The following GLCE variants were observed in gnomAD, a reference collection of about 807,000 sequenced individuals.
GLCE encodes glucuronic acid epimerase.
In GLCE, 19 loss-of-function variants were observed where a neutral mutation model predicts 47.9. That is an observed-to-expected ratio of 0.40 (90% CI 0.28 to 0.58). The LOEUF (loss-of-function observed/expected upper bound fraction) is 0.58, where lower values mean the gene tolerates loss of function less well. Among genes scored for constraint, GLCE ranks in the 20% least tolerant of loss-of-function variants. GLCE has a pLI of 0.48. For missense variants in GLCE, 556 were observed against 743.3 expected (o/e 0.75, Z 2.93); for synonymous variants, 245 against 263.4 (o/e 0.93, Z 0.68).
At chr15:69,203,312 A>T (rs1038697636) in intron 1 of GLCE, among the ~76,000 whole-genome samples, 2 of 152,146 alleles carry the variant, frequency 1.3e-5, no homozygotes, top group African/African-American at 4.8e-5. Flanking sequence ...ACATTAAAAT[A>T]TAGTAGTGAC....
chr15:69,189,815 A>G (rs1387356332), intron 1 of GLCE, among the ~76,000 whole-genome samples: 2 of 151,520 alleles, frequency 1.3e-5, no homozygotes, highest in African/African-American at 4.9e-5. Flanking sequence ...TTCTCTTTCT[A>G]ATTTTTTTTT....
intron 1 of GLCE, among the ~76,000 whole-genome samples, chr15:69,198,900 T>G (rs1476878421): frequency 6.6e-6 from 1 of 152,004 alleles, no homozygotes; most frequent in East Asian, 1.9e-4. Flanking sequence ...AGCCCACACT[T>G]AAAGAGGGTT....
intron 2 of GLCE, among the ~76,000 whole-genome samples, chr15:69,231,206 A>G (rs1335343787): frequency 6.6e-6 from 1 of 152,140 alleles, no homozygotes; most frequent in Non-Finnish European, 1.5e-5. Flanking sequence ...AGACTTTTGA[A>G]GACAAAATAT....
At chr15:69,168,452 T>G (rs1350859664) in intron 1 of GLCE, among the ~76,000 whole-genome samples, 2 of 152,118 alleles carry the variant, frequency 1.3e-5, no homozygotes, top group Admixed American at 6.5e-5. Flanking sequence ...TAAAAGATCA[T>G]TTGATCTAAG....
At chr15:69,175,750 T>C (rs2051653283) in intron 1 of GLCE, among the ~76,000 whole-genome samples, 1 of 152,214 alleles carries the variant, frequency 6.6e-6, no homozygotes, top group African/African-American at 2.4e-5. Flanking sequence ...CAGAGATCTG[T>C]TTGCCTTCTT....
Position 69,269,761 on chromosome 15 carries a change from T to A in GLCE, c.*517T>A, listed in dbSNP as rs2053140463. Reference sequence around the variant, plus strand: ...TGTTTCCTTTCTAAAGATTAATTTCTTGGGAGCAAATGAGTATTTGTTGCA... The same window carrying A: ...TGTTTCCTTTCTAAAGATTAATTTCATGGGAGCAAATGAGTATTTGTTGCA... On this transcript the variant is annotated 3_prime_UTR_variant, in exon 5 of 5. Transcript: ENST00000261858. 6.5e-6 allele frequency: 1 copy of A among 152,944 alleles called. No homozygotes were observed. 9.5% of individuals were successfully genotyped at this position (152,944 alleles called of 1,614,324 possible).
intron 1 of GLCE, among the ~76,000 whole-genome samples, chr15:69,181,447 G>A (rs1357050285): frequency 8.5e-5 from 13 of 152,186 alleles, no homozygotes; most frequent in Non-Finnish European, 8.8e-5. Context: ...CTTAGAAGGA[G>A]AAATCACTGA....
At chr15:69,219,694 A>G (rs956911365) in intron 2 of GLCE, among the ~76,000 whole-genome samples, 3 of 152,032 alleles carry the variant, frequency 2.0e-5, no homozygotes, top group African/African-American at 7.2e-5. Flanking sequence ...CAGTTCTGTG[A>G]TTCTTTTTTG....
At position 69,271,919 on chromosome 15, in the gene GLCE, TGTG is replaced by T. The variant is rs1375206465; in HGVS notation, c.*2678_*2680del. 2.0e-5 allele frequency: 3 copies of T among 152,630 alleles called. No homozygotes were observed. Among genetic ancestry groups the T allele is most frequent in the African/African-American group, 7.2e-5 (3 of 41,452 alleles). The allele number at this position is 152,630 out of a possible 1,614,324, so 9.5% of individuals were successfully genotyped here. On this transcript the variant is annotated 3_prime_UTR_variant, in exon 5 of 5. Coordinates refer to ENST00000261858, the MANE Select transcript of GLCE (RefSeq NM_015554.3). ...TGAAAGCTGCTATTTTCATCCTCCT[TGTG>T]GTTGCTTTTCTTGTTTCTCTTCCAT...
At chr15:69,214,340 C>T (rs1293849956) in intron 2 of GLCE, among the ~76,000 whole-genome samples, 8 of 152,054 alleles carry the variant, frequency 5.3e-5, no homozygotes, top group Non-Finnish European at 1.0e-4. Context: ...TAGGAGGTGA[C>T]TGGATCATGG....
chr15:69,196,030 G>T (rs536153055), intron 1 of GLCE, among the ~76,000 whole-genome samples: 3 of 152,222 alleles, frequency 2.0e-5, no homozygotes, highest in East Asian at 3.9e-4. Context: ...GGGGATGGGG[G>T]AGTGTTGGAA....
intron 1 of GLCE, among the ~76,000 whole-genome samples, chr15:69,193,957 G>A (rs1228348288): frequency 1.3e-5 from 2 of 152,132 alleles, no homozygotes; most frequent in African/African-American, 4.8e-5. Context: ...TGGAGGAGTT[G>A]TAATAAAGTC....
At chr15:69,189,142 T>C (rs958521187) in intron 1 of GLCE, among the ~76,000 whole-genome samples, 5 of 152,178 alleles carry the variant, frequency 3.3e-5, no homozygotes, top group African/African-American at 4.8e-5. Context: ...CATATTATCA[T>C]ACAAAATAGT....
intron 2 of GLCE, among the ~76,000 whole-genome samples, chr15:69,231,444 C>T (rs1027937760): frequency 6.6e-5 from 10 of 151,802 alleles, no homozygotes; most frequent in South Asian, 4.2e-4. Flanking sequence ...CCACCATGCC[C>T]GGCTAATTTT....
intron 1 of GLCE, among the ~76,000 whole-genome samples, chr15:69,189,164 A>G (rs970897391): frequency 4.6e-5 from 7 of 152,158 alleles, no homozygotes; most frequent in African/African-American, 1.4e-4. Flanking sequence ...CCACTCTCCT[A>G]AAAATCCTCT....
chr15:69,161,311 T>A (rs1159964044), intron 1 of GLCE, among the ~76,000 whole-genome samples: 1 of 150,576 alleles, frequency 6.6e-6, no homozygotes, highest in Non-Finnish European at 1.5e-5. Context: ...GTCCGGGTTC[T>A]GGGGAGAGGG....
chr15:69,202,762 C>T (rs956364278), intron 1 of GLCE, among the ~76,000 whole-genome samples: 5 of 152,050 alleles, frequency 3.3e-5, no homozygotes, highest in Non-Finnish European at 7.4e-5. Context: ...GTTTGGGCTA[C>T]ATAGTGTTAA....
At chr15:69,233,963 A>G (rs752694528) in intron 2 of GLCE, among the ~76,000 whole-genome samples, 66 of 151,802 alleles carry the variant, frequency 4.3e-4, no homozygotes, top group Non-Finnish European at 7.6e-4. Flanking sequence ...ATACATACAT[A>G]TATGGAGAAG....
Position 69,262,286 on chromosome 15 carries a change from C to T in GLCE, c.829+957C>T, listed in dbSNP as rs201756300. ...TAATTTTTATTCTGTCACTAGAACT[C>T]CTTTTCTCCCATGGCATTCTGTGAT... On this transcript the variant is annotated intron_variant, in intron 4 of 4. Coordinates refer to ENST00000261858, the MANE Select transcript of GLCE (RefSeq NM_015554.3). 2.0e-5 allele frequency among the ~76,000 whole-genome samples: 3 copies of T among 152,170 alleles called. No individual in the cohort carries two copies. The East Asian group carries it at 5.8e-4, about 29-fold the overall frequency.
Sources: allele counts gnomAD v4.1 joint callset (sites outside exome capture counted in the v4.1 genomes callset), GRCh38; gene constraint gnomAD v4.1.1; transcripts MANE v1.5; gene names NCBI Gene and HGNC (gene_info 2026-07-23, HGNC 2026-07-21).